PCLO: variants seen among roughly 807,000 people sequenced by gnomAD.
The protein encoded by PCLO is piccolo presynaptic cytomatrix protein.
Under a neutral mutation model 427.5 loss-of-function variants are expected in PCLO, and 82 were observed. That is an observed-to-expected ratio of 0.19 (90% CI 0.16 to 0.23). The LOEUF is 0.23. Among genes scored for constraint, PCLO ranks in the 10% least tolerant of loss-of-function variants. PCLO has a pLI of 1.00. For synonymous variants in PCLO, 2,357 were observed against 2,155.4 expected, an observed-to-expected ratio of 1.09 and a Z score of -2.59; for missense variants, 6,239 against 6,115.9, an observed-to-expected ratio of 1.02 and a Z score of -0.67.
At position 82,925,713 on chromosome 7, in the gene PCLO, C is replaced by CTTTTTTT. The variant is rs34017885; in HGVS notation, c.11113-8847_11113-8841dup. 3.4e-4 allele frequency among the ~76,000 whole-genome samples: 27 copies of CTTTTTTT among 79,012 alleles called. 1 individual carries two copies. The highest frequency in any genetic ancestry group is 1.2e-3 in the African/African-American group (24 of 20,648). The allele number at this position is 79,012 out of a possible 152,430, so 51.8% of individuals were successfully genotyped here. On this transcript the variant is annotated intron_variant, in intron 6 of 24. Transcript: ENST00000333891. The stretch of plus-strand genomic sequence containing the variant: ...TGCAAAAGCTCAAGAATTTTTGTTG[C>CTTTTTTT]TTTTTTTTTTTTTTTTTTTTTTTTG...
At chr7:83,022,715 T>C (rs1034418613) in intron 3 of PCLO, among the ~76,000 whole-genome samples, 1 of 152,166 alleles carries the variant, frequency 6.6e-6, no homozygotes, top group African/African-American at 2.4e-5. Flanking sequence ...GCTGCAGGTC[T>C]TTTTTTAAGC....
intron 10 of PCLO, among the ~76,000 whole-genome samples, chr7:82,878,728 C>T (rs1165661734): frequency 6.6e-6 from 1 of 152,140 alleles, no homozygotes; most frequent in African/African-American, 2.4e-5. Context: ...TAGACCACAC[C>T]TAGTACAGGG....
chr7:82,902,287 GA>G (rs1794062299), intron 9 of PCLO, among the ~76,000 whole-genome samples: 1 of 151,752 alleles, frequency 6.6e-6, no homozygotes, highest in Non-Finnish European at 1.5e-5. Flanking sequence ...GGACATGGAT[GA>G]AATTGGAAAT....
chr7:82,915,140 T>C lies in PCLO; in HGVS notation c.12846A>G (p.Pro4282=), dbSNP rs1226601709. The part of the protein sequence containing the change: ...RSALQDEADK[P]YSSGSRSRPS... Reference sequence around the variant, plus strand: ...GTCTGGACCTGCTGCCACTACTGTATGGCTTATCCGCTTCATCCTGCAGAG... The same window carrying C: ...GTCTGGACCTGCTGCCACTACTGTACGGCTTATCCGCTTCATCCTGCAGAG... Residue 4282 remains proline, a synonymous_variant, in exon 7 of 25, where the codon CCA becomes CCG. Coordinates refer to ENST00000333891, the MANE Select transcript of PCLO (RefSeq NM_033026.6). The C allele has an allele frequency of 1.9e-6, 3 of 1,591,182 alleles. No individual in the cohort carries two copies. In the East Asian group the frequency reaches 6.9e-5, roughly 36 times the overall value.
At chr7:83,056,764 T>C (rs977306357) in intron 3 of PCLO, among the ~76,000 whole-genome samples, 2 of 152,164 alleles carry the variant, frequency 1.3e-5, no homozygotes, top group Non-Finnish European at 2.9e-5. Context: ...GTTGAAATCA[T>C]AGATGTTAAG....
intron 3 of PCLO, among the ~76,000 whole-genome samples, chr7:83,016,607 T>A (rs1788213497): frequency 6.6e-6 from 1 of 152,058 alleles, no homozygotes; most frequent in African/African-American, 2.4e-5. Context: ...CAGAAATAGG[T>A]CTACTATAGA....
chr7:82,899,876 A>G (rs1793998413), intron 9 of PCLO, among the ~76,000 whole-genome samples: 1 of 151,628 alleles, frequency 6.6e-6, no homozygotes, highest in South Asian at 2.1e-4. Context: ...GCTAGAAAAC[A>G]GGCACATTGG....
At chr7:83,077,448 CTGT>C (rs1376970167) in intron 3 of PCLO, among the ~76,000 whole-genome samples, 2 of 151,996 alleles carry the variant, frequency 1.3e-5, no homozygotes, top group Admixed American at 6.6e-5. Flanking sequence ...GTAGTTGTTG[CTGT>C]TGTTATTACT....
At chr7:82,842,649 A>T (rs1410404691) in intron 13 of PCLO, among the ~76,000 whole-genome samples, 1 of 152,114 alleles carries the variant, frequency 6.6e-6, no homozygotes, top group Admixed American at 6.6e-5. Context: ...ATATTTGCAA[A>T]CCGTACATCT....
intron 9 of PCLO, among the ~76,000 whole-genome samples, chr7:82,899,950 T>A (rs1794000450): frequency 6.6e-6 from 1 of 151,522 alleles, no homozygotes; most frequent in Non-Finnish European, 1.5e-5. Flanking sequence ...CATGAAAAAA[T>A]AATTTTGGCA....
At chr7:82,760,135 G>A (rs942625123) in intron 24 of PCLO, among the ~76,000 whole-genome samples, 10 of 151,922 alleles carry the variant, frequency 6.6e-5, no homozygotes, top group African/African-American at 2.4e-4. Context: ...TATTAAGTGA[G>A]TGGAAAAGTA....
intron 10 of PCLO, among the ~76,000 whole-genome samples, chr7:82,872,729 T>C (rs1793267211): frequency 6.6e-6 from 1 of 152,102 alleles, no homozygotes; most frequent in South Asian, 2.1e-4. Context: ...AAAACTATAA[T>C]GTCCTAAATA....
intron 10 of PCLO, 91 bp downstream of exon 10, chr7:82,879,245 CA>C: frequency 8.7e-7 from 1 of 1,146,118 alleles, no homozygotes; most frequent in Non-Finnish European, 1.2e-6. Context: ...TTTACCTACA[CA>C]GAGAAGGATG....
chr7:83,103,720 C>T (rs1647220485), intron 3 of PCLO, among the ~76,000 whole-genome samples: 1 of 151,816 alleles, frequency 6.6e-6, no homozygotes, highest in Non-Finnish European at 1.5e-5. Flanking sequence ...ATTGTATATG[C>T]TTTAATATAA....
chr7:83,004,634 T>TA (rs1554373554), intron 3 of PCLO, among the ~76,000 whole-genome samples: 1 of 89,284 alleles, frequency 1.1e-5, no homozygotes, highest in African/African-American at 6.0e-5. Context: ...GATATAACAC[T>TA]AAAAAACATA....
Position 83,155,578 on chromosome 7 carries a change from G to A in PCLO, c.1063C>T (p.Pro355Ser), listed in dbSNP as rs1584097560. 3 of 1,612,906 alleles carry A rather than the reference G, an allele frequency of 1.9e-6. No individual in the cohort carries two copies. The highest frequency in any genetic ancestry group is 3.3e-4 in the Middle Eastern group (2 of 6,080). Residue 355 changes from proline (P) to serine (S), a missense_variant, in exon 2 of 25, where the codon CCA becomes TCA. Coordinates refer to ENST00000333891, the MANE Select transcript of PCLO (RefSeq NM_033026.6). ...QPGTVKPPVQ[P>S]PGTTKPPAQP... ...GCTGGAGGCTTTGTTGTCCCTGGTG[G>A]CTGGACTGGGGGTTTCACTGTCCCT...
rs767520525 is a variant in PCLO at position 82,955,087 on chromosome 7, T to C, written c.5866A>G (p.Ile1956Val). Reference sequence around the variant, plus strand: ...GTGTCTTCTACTAAAGATTCATAAATATAATCCTCTATTAGCATCCCACCA... The same window carrying C: ...GTGTCTTCTACTAAAGATTCATAAACATAATCCTCTATTAGCATCCCACCA... ...LYGGMLIEDY[I>V]YESLVEDTYN... Residue 1956 changes from isoleucine to valine, a missense_variant, in exon 5 of 25, where the codon ATT becomes GTT. Around this residue, in one of 5 missense-constraint regions of PCLO, gnomAD observed 4,677 missense variants for 4,468.4 expected, o/e 1.05. Coordinates refer to ENST00000333891, the MANE Select transcript of PCLO (RefSeq NM_033026.6). The C allele has an allele frequency of 6.2e-7, 1 of 1,613,838 alleles. No homozygotes were observed. The highest frequency in any genetic ancestry group is 1.7e-5 in the Admixed American group (1 of 59,998).
intron 3 of PCLO, among the ~76,000 whole-genome samples, chr7:82,985,577 C>A (rs1200671600): frequency 7.9e-5 from 12 of 151,824 alleles, no homozygotes; most frequent in Non-Finnish European, 4.4e-5. Context: ...TGCTTGCTTT[C>A]TGTGATGTCT....
intron 3 of PCLO, among the ~76,000 whole-genome samples, chr7:82,980,476 C>T (rs556247448): frequency 6.8e-4 from 104 of 152,250 alleles, no homozygotes; most frequent in African/African-American, 2.5e-3. Flanking sequence ...ATGATTGAGC[C>T]TGTCATCTTG....
Sources: gnomAD v4.1 joint callset for allele counts (sites outside exome capture counted in the v4.1 genomes callset) on GRCh38, gnomAD v4.1.1 for gene constraint, gnomAD v4.1.1 regional missense constraint, MANE v1.5 for transcripts, NCBI Gene and HGNC (gene_info 2026-07-23, HGNC 2026-07-21) for gene names.